Variants in DUSP10 observed in about 807,000 individuals in gnomAD.
DUSP10 encodes dual specificity protein phosphatase 10.
DUSP10 carries 14 observed loss-of-function variants against 30.8 expected under a neutral mutation model. The ratio of observed to expected loss-of-function variants is 0.46; its 90% CI spans 0.30 to 0.71. The LOEUF (loss-of-function observed/expected upper bound fraction) is 0.71. DUSP10 is among the 30% of genes least tolerant of loss of function. The pLI is 0.08. For missense variants in DUSP10, 550 were observed against 619.4 expected (o/e 0.89, Z 1.19); for synonymous variants, 254 against 250.4 (o/e 1.01, Z -0.14).
At chr1:221,713,124 G>C (rs891794623) in intron 2 of DUSP10, among the ~76,000 whole-genome samples, 1 of 152,190 alleles carries the variant, frequency 6.6e-6, no homozygotes, top group African/African-American at 2.4e-5. Context: ...TTTGATGCTG[G>C]TACAGTTGCT....
chr1:221,706,340 G>A lies in DUSP10; in HGVS notation c.938C>T (p.Thr313Ile). The A allele has an allele frequency of 6.2e-7, 1 of 1,611,878 alleles. No homozygotes were observed. Among genetic ancestry groups the A allele is most frequent in the Non-Finnish European group, 8.5e-7 (1 of 1,178,144 alleles). The change falls in exon 3 of 4, where the codon ACC (threonine) becomes ATC (isoleucine). Residue 313 changes from threonine to isoleucine, a missense_variant. Physicochemically the swap from Thr to Ile is moderately conservative, Grantham distance 89. Coordinates refer to ENST00000366899, the MANE Select transcript of DUSP10 (RefSeq NM_007207.6). This position sits in a 1 kb window ranked among gnomAD's most constrained non-coding sequence, Gnocchi z 4.6. ...CTCAGCGTTCTCGATGTCAGGGGTG[G>A]TGGGGATGGGCTGAGGTAGCAAGCT... ...ASSLLPQPIPTTPDIENAELT... is the reference protein window; with the variant it reads ...ASSLLPQPIPITPDIENAELT...
intron 2 of DUSP10, among the ~76,000 whole-genome samples, chr1:221,732,882 C>T (rs888893606): frequency 1.3e-5 from 2 of 152,174 alleles, no homozygotes; most frequent in African/African-American, 2.4e-5. Context: ...AATGAACAGC[C>T]TGCAGTGAAA....
intron 2 of DUSP10, among the ~76,000 whole-genome samples, chr1:221,709,924 A>G (rs1014879875): frequency 1.3e-5 from 2 of 152,228 alleles, no homozygotes; most frequent in African/African-American, 4.8e-5. Flanking sequence ...ATATTAGAAC[A>G]TGATAATTAA....
intron 2 of DUSP10, among the ~76,000 whole-genome samples, chr1:221,712,960 G>C (rs1489273196): frequency 6.6e-6 from 1 of 152,122 alleles, no homozygotes; most frequent in Non-Finnish European, 1.5e-5. Flanking sequence ...GTGTACAATA[G>C]CCATCCTGGT....
chr1:221,727,217 T>A (rs1454260828), intron 2 of DUSP10, among the ~76,000 whole-genome samples: 1 of 152,202 alleles, frequency 6.6e-6, no homozygotes, highest in East Asian at 1.9e-4. Flanking sequence ...TAAGGGAGCA[T>A]CAGCCGGCTC....
intron 2 of DUSP10, among the ~76,000 whole-genome samples, chr1:221,729,566 C>T (rs1242854008): frequency 5.9e-5 from 9 of 152,206 alleles, no homozygotes; most frequent in Non-Finnish European, 8.8e-5. Flanking sequence ...TATAAAATGA[C>T]GTTCACAGAG....
intron 2 of DUSP10, among the ~76,000 whole-genome samples, chr1:221,723,065 C>G (rs749029996): frequency 2.6e-5 from 4 of 152,222 alleles, no homozygotes; most frequent in Non-Finnish European, 4.4e-5. Context: ...ATGAACATCT[C>G]AATCCCAAAA....
At chr1:221,721,689 C>T (rs1197224442) in intron 2 of DUSP10, among the ~76,000 whole-genome samples, 1 of 152,128 alleles carries the variant, frequency 6.6e-6, no homozygotes, top group Non-Finnish European at 1.5e-5. Flanking sequence ...CTCGCCCCTA[C>T]TTCTTGGACA....
rs189535716 is a variant in DUSP10 at position 221,739,369 on chromosome 1, A to G, written c.376T>C (p.Ser126Pro). 8 of 1,613,984 alleles carry G rather than the reference A, an allele frequency of 5.0e-6. No homozygotes were observed. The Admixed American group carries it at 1.2e-4, about 24-fold the overall frequency. Residue 126 changes from serine to proline, a missense_variant, in exon 2 of 4, where the codon TCT becomes CCT. Transcript: ENST00000366899. ...QMVNNNENTG[S>P]LSPSSGVGSP... ...CCCACCCCACTTGATGGACTTAGAG[A>G]GCCTGTATTCTCATTATTGTTGACC...
intron 2 of DUSP10, among the ~76,000 whole-genome samples, chr1:221,713,269 G>C (rs1334137200): frequency 6.6e-6 from 1 of 152,204 alleles, no homozygotes; most frequent in Non-Finnish European, 1.5e-5. Flanking sequence ...ACTCAGTGCT[G>C]TTAGCCTAGT....
chr1:221,731,280 T>A (rs972789636), intron 2 of DUSP10, among the ~76,000 whole-genome samples: 4 of 152,206 alleles, frequency 2.6e-5, no homozygotes, highest in Non-Finnish European at 5.9e-5. Context: ...TTTATTTTTT[T>A]AAAGCAGGCC....
Position 221,701,914 on chromosome 1 carries a change from C to T in DUSP10, c.*498G>A, listed in dbSNP as rs1389524730. On this transcript the variant is annotated 3_prime_UTR_variant, in exon 4 of 4. Transcript: ENST00000366899. ...GGATTCTTAGACCACTTAAGCTGCC[C>T]TGATCTTCTCTTTGCACCAGTGAGC... 6.5e-6 allele frequency: 1 copy of T among 152,820 alleles called. No individual in the cohort carries two copies. The highest frequency in any genetic ancestry group is 2.4e-5 in the African/African-American group (1 of 41,390). 9.5% of individuals were successfully genotyped at this position (152,820 alleles called of 1,614,324 possible).
Position 221,738,865 on chromosome 1 carries a change from C to G in DUSP10, c.811+69G>C. On this transcript the variant is annotated intron_variant, in intron 2 of 3. Transcript: ENST00000366899. ...AGCCAGGGTAAGGAGAATGCTGTCA[C>G]TCTACGAGAAAACCCAAAGTGAACC... The G allele has an allele frequency of 3.3e-6, 5 of 1,523,844 alleles. 2 individuals carry two copies. The South Asian group carries it at 6.6e-5, about 20-fold the overall frequency. The allele number at this position is 1,523,844 out of a possible 1,614,324, so 94.4% of individuals were successfully genotyped here. A position where few individuals can be genotyped will look rare whatever the true frequency, so the allele number is the denominator to read the frequency against.
chr1:221,725,748 T>TA, intron 2 of DUSP10, among the ~76,000 whole-genome samples: 1 of 152,354 alleles, frequency 6.6e-6, no homozygotes, highest in Non-Finnish European at 1.5e-5. Flanking sequence ...AGCACTGCAC[T>TA]AAAACCTCAG....
intron 2 of DUSP10, chr1:221,737,015 C>G: frequency 2.0e-6 from 2 of 985,456 alleles, no homozygotes; most frequent in African/African-American, 1.7e-5. Context: ...CTAGGCTGTC[C>G]AGAATCTCAG....
At chr1:221,715,551 C>T (rs1029804839) in intron 2 of DUSP10, among the ~76,000 whole-genome samples, 7 of 152,190 alleles carry the variant, frequency 4.6e-5, no homozygotes, top group African/African-American at 7.2e-5. Context: ...GTTTGAGCTA[C>T]CACAAGTTTA....
intron 2 of DUSP10, among the ~76,000 whole-genome samples, chr1:221,729,352 T>C (rs574493036): frequency 2.6e-5 from 4 of 152,158 alleles, no homozygotes; most frequent in Non-Finnish European, 5.9e-5. Flanking sequence ...GATGGCATTA[T>C]AACTAAGGCA....
intron 2 of DUSP10, among the ~76,000 whole-genome samples, chr1:221,710,643 G>A (rs1334781119): frequency 6.6e-6 from 1 of 151,968 alleles, no homozygotes; most frequent in East Asian, 1.9e-4. Context: ...CAAGGTATCC[G>A]AGCAGTTTTA....
Position 221,706,269 on chromosome 1 carries a change from C to A in DUSP10, c.1009G>T (p.Ala337Ser). 1 of 1,614,188 alleles carries A rather than the reference C, an allele frequency of 6.2e-7. No individual in the cohort carries two copies. Among genetic ancestry groups the A allele is most frequent in the Non-Finnish European group, 8.5e-7 (1 of 1,180,026 alleles). Reference protein sequence around the residue: ...PFLFLGNEQDAQDLDTMQRLN... With the variant: ...PFLFLGNEQDSQDLDTMQRLN... ...CGCTGCATGGTGTCCAGGTCCTGAG[C>A]ATCCTGCTCATTGCCAAGGAACAGG... The change falls in exon 3 of 4, where the codon GCT becomes TCT. Residue 337 changes from alanine (A) to serine (S), a missense_variant. Ala to Ser is a moderately conservative substitution (Grantham distance 99). Transcript: ENST00000366899. This position sits in a 1 kb window ranked among gnomAD's most constrained non-coding sequence, Gnocchi z 4.6.
Sources: allele counts gnomAD v4.1 joint callset (sites outside exome capture counted in the v4.1 genomes callset), GRCh38; gene constraint gnomAD v4.1.1; non-coding constraint Gnocchi (gnomAD v3.1); transcripts MANE v1.5; gene names NCBI Gene and HGNC (gene_info 2026-07-23, HGNC 2026-07-21).